The following RGS6 variants were observed in gnomAD, a reference collection of about 807,000 sequenced individuals.
RGS6 encodes the protein regulator of G-protein signaling 6.
Under a neutral mutation model 78.5 loss-of-function variants are expected in RGS6, and 30 were observed. The observed-to-expected ratio is 0.38, with a 90% confidence interval of 0.29 to 0.52. The LOEUF is 0.52. RGS6 is among the 20% of genes least tolerant of loss of function. The pLI is 0.85. For synonymous variants in RGS6, 206 were observed against 206.0 expected (o/e 1.00, Z 0.00); for missense variants, 495 against 609.7 (o/e 0.81, Z 1.98).
chr14:72,104,640 C>T (rs1224886021), intron 2 of RGS6, among the ~76,000 whole-genome samples: 5 of 152,206 alleles, frequency 3.3e-5, no homozygotes, highest in African/African-American at 1.2e-4. Flanking sequence ...TCTGTTTGGA[C>T]TCCTGCAAGC....
chr14:72,091,657 T>C (rs922824076), intron 2 of RGS6, among the ~76,000 whole-genome samples: 3 of 152,156 alleles, frequency 2.0e-5, no homozygotes, highest in Non-Finnish European at 4.4e-5. Context: ...TGCACATCAC[T>C]ATGAAAATGG....
At chr14:72,435,862 C>A (rs946687971) in intron 3 of RGS6, among the ~76,000 whole-genome samples, 3 of 151,592 alleles carry the variant, frequency 2.0e-5, no homozygotes, top group African/African-American at 7.3e-5. Context: ...ATAATCTCTC[C>A]ATCTTGAGGT....
At chr14:72,501,887 C>T (rs2153428173) in intron 13 of RGS6, among the ~76,000 whole-genome samples, 1 of 152,336 alleles carries the variant, frequency 6.6e-6, no homozygotes. Context: ...TGCTGAGAGG[C>T]AGAGATCATC....
intron 3 of RGS6, among the ~76,000 whole-genome samples, chr14:72,434,172 C>A (rs974062010): frequency 2.0e-5 from 3 of 151,898 alleles, no homozygotes; most frequent in African/African-American, 7.3e-5. Context: ...CTCATCTCCA[C>A]AAAAAAATTA....
At chr14:72,418,507 A>G (rs1222605130) in intron 3 of RGS6, among the ~76,000 whole-genome samples, 2 of 152,158 alleles carry the variant, frequency 1.3e-5, no homozygotes, top group African/African-American at 4.8e-5. Flanking sequence ...TAGGATTAAG[A>G]GGAGGTAGAA....
At chr14:72,307,935 A>G (rs1203478542) in intron 2 of RGS6, among the ~76,000 whole-genome samples, 1 of 152,176 alleles carries the variant, frequency 6.6e-6, no homozygotes, top group Non-Finnish European at 1.5e-5. Context: ...CACATGTCTC[A>G]TTACATTTAT....
chr14:72,548,838 A>C (rs7146557), intron 17 of RGS6, among the ~76,000 whole-genome samples: 7,678 of 152,306 alleles, frequency 0.05, 269 homozygotes, highest in East Asian at 0.12. Context: ...GATACTAAAA[A>C]TATTCTAACA....
intron 2 of RGS6, among the ~76,000 whole-genome samples, chr14:72,294,255 C>G (rs776263562): frequency 1.5e-4 from 23 of 152,156 alleles, no homozygotes; most frequent in Non-Finnish European, 3.1e-4. Context: ...ACCTTTGATC[C>G]CAATGGCTGT....
At chr14:72,511,281 T>C (rs2096875045) in intron 14 of RGS6, among the ~76,000 whole-genome samples, 1 of 152,272 alleles carries the variant, frequency 6.6e-6, no homozygotes. Flanking sequence ...ATTGTATTAC[T>C]TTAAAAACTC....
At chr14:72,534,632 T>G (rs936892183) in intron 15 of RGS6, among the ~76,000 whole-genome samples, 1 of 152,250 alleles carries the variant, frequency 6.6e-6, no homozygotes, top group Non-Finnish European at 1.5e-5. Context: ...CTCCATATCT[T>G]GGCTACTGTG....
chr14:72,406,649 C>G (rs192076057), intron 3 of RGS6, among the ~76,000 whole-genome samples: 1 of 152,186 alleles, frequency 6.6e-6, no homozygotes, highest in African/African-American at 2.4e-5. Context: ...CTTTATAGAG[C>G]TGGAGTGCAA....
At chr14:72,437,818 T>G (rs1394947106) in intron 3 of RGS6, among the ~76,000 whole-genome samples, 1 of 152,212 alleles carries the variant, frequency 6.6e-6, no homozygotes, top group Non-Finnish European at 1.5e-5. Flanking sequence ...CTTGTCTGGC[T>G]GTGTGACTGT....
intron 2 of RGS6, among the ~76,000 whole-genome samples, chr14:72,104,700 C>T (rs1489813561): frequency 6.6e-6 from 1 of 152,190 alleles, no homozygotes; most frequent in African/African-American, 2.4e-5. Context: ...ATTATAAACA[C>T]AAATATGAGA....
intron 2 of RGS6, among the ~76,000 whole-genome samples, chr14:72,311,608 T>A (rs1165075962): frequency 6.6e-6 from 1 of 152,246 alleles, no homozygotes; most frequent in African/African-American, 2.4e-5. Flanking sequence ...GGTGATCTGG[T>A]AATTTCCCTT....
intron 2 of RGS6, among the ~76,000 whole-genome samples, chr14:72,216,839 C>T (rs777626364): frequency 7.9e-5 from 12 of 151,860 alleles, no homozygotes; most frequent in South Asian, 2.1e-4. Flanking sequence ...TTATGTTGGG[C>T]GACAAGGTGA....
intron 2 of RGS6, among the ~76,000 whole-genome samples, chr14:72,180,313 G>A (rs1199938419): frequency 6.6e-6 from 1 of 152,186 alleles, no homozygotes; most frequent in Non-Finnish European, 1.5e-5. Flanking sequence ...CTAGACAAAG[G>A]CACCTCTCCA....
At chr14:72,005,052 A>C (rs2084248206) in intron 2 of RGS6, among the ~76,000 whole-genome samples, 1 of 152,218 alleles carries the variant, frequency 6.6e-6, no homozygotes, top group Admixed American at 6.5e-5. Context: ...AAATGTGTGC[A>C]TAAGTTGTAA....
chr14:72,554,537 A>G (rs1023532176), intron 17 of RGS6, among the ~76,000 whole-genome samples: 2 of 152,100 alleles, frequency 1.3e-5, no homozygotes, highest in African/African-American at 4.8e-5. Context: ...CCTAATTTGG[A>G]GTGAACCAGA....
intron 17 of RGS6, among the ~76,000 whole-genome samples, chr14:72,542,439 G>C (rs1191012842): frequency 6.6e-6 from 1 of 152,190 alleles, no homozygotes; most frequent in Non-Finnish European, 1.5e-5. Flanking sequence ...TAAAGTATTT[G>C]ATTTCTCTAA....
Sources: allele counts gnomAD v4.1 joint callset (sites outside exome capture counted in the v4.1 genomes callset), GRCh38; gene constraint gnomAD v4.1.1; transcripts MANE v1.5; gene names NCBI Gene and HGNC (gene_info 2026-07-23, HGNC 2026-07-21).